TRIM63: variants seen among roughly 807,000 people sequenced by gnomAD.
TRIM63 encodes tripartite motif containing 63.
A neutral mutation model predicts 46.0 loss-of-function variants in TRIM63; 48 were observed. The ratio of observed to expected loss-of-function variants is 1.04; its 90% CI spans 0.83 to 1.33. The LOEUF (loss-of-function observed/expected upper bound fraction) is 1.33, where lower values mean the gene tolerates loss of function less well. Ranked by LOEUF, TRIM63 falls within the 40% of genes most tolerant of loss-of-function variation. The probability of loss-of-function intolerance (pLI) is 0.00; values close to 1 mark genes in which losing one functional copy is unlikely to be tolerated. For synonymous variants in TRIM63, 175 were observed against 162.8 expected (o/e 1.08, Z -0.57); for missense variants, 455 against 441.2 (o/e 1.03, Z -0.28).
In TRIM63 at chr1:26,061,249, G is replaced by T; in HGVS notation, c.418C>A (p.Pro140Thr). The T allele has an allele frequency of 1.2e-6, 2 of 1,614,166 alleles. No individual in the cohort carries two copies. Among genetic ancestry groups the T allele is most frequent in the Non-Finnish European group, 1.7e-6 (2 of 1,180,002 alleles). Residue 140 changes from proline to threonine, a missense_variant, in exon 3 of 9, where the codon CCC (proline) becomes ACC (threonine). Coordinates refer to ENST00000374272, the MANE Select transcript of TRIM63 (RefSeq NM_032588.4). The part of the protein sequence containing the change: ...INIYCLTCEV[P>T]TCSMCKVFGI... Reference sequence around the variant, plus strand: ...AACACCTTGCACATGGAGCAGGTGGGCACCTCACACGTGAGACAGTAGATG... The same window carrying T: ...AACACCTTGCACATGGAGCAGGTGGTCACCTCACACGTGAGACAGTAGATG...
chr1:26,052,383 A>G (rs2050530388), intron 8 of TRIM63, among the ~76,000 whole-genome samples: 1 of 152,210 alleles, frequency 6.6e-6, no homozygotes, highest in Admixed American at 6.5e-5. Flanking sequence ...GAGCCAGCAG[A>G]TAACATGAAT....
chr1:26,051,835 T>A lies in TRIM63; in HGVS notation c.*38A>T. 1 of 1,260,128 alleles carries A rather than the reference T, an allele frequency of 7.9e-7. No individual in the cohort carries two copies. Among genetic ancestry groups the A allele is most frequent in the Non-Finnish European group, 1.0e-6 (1 of 988,082 alleles). 78.1% of individuals were successfully genotyped at this position (1,260,128 alleles called of 1,614,324 possible). ...CTGGGCCCCTCCCCACCCTCTCCAG[T>A]CTCTCTGCATCTGGGGGCCTCTCAT... is the stretch of plus-strand genomic sequence containing the variant. On this transcript the variant is annotated 3_prime_UTR_variant, in exon 9 of 9. Coordinates refer to ENST00000374272, the MANE Select transcript of TRIM63 (RefSeq NM_032588.4).
chr1:26,052,609 G>A (rs2050532486), intron 8 of TRIM63, among the ~76,000 whole-genome samples: 1 of 152,190 alleles, frequency 6.6e-6, no homozygotes, highest in Admixed American at 6.5e-5. Flanking sequence ...TGGGATTACA[G>A]GTGCCCGTCA....
At position 26,067,403 on chromosome 1, in the gene TRIM63, G is replaced by T. The variant is rs1164943378; in HGVS notation, c.92C>A (p.Thr31Asn). 6.2e-7 allele frequency: 1 copy of T among 1,614,190 alleles called. No individual in the cohort carries two copies. Residue 31 changes from threonine to asparagine, a missense_variant, in exon 1 of 9, where the codon ACC becomes AAC. Physicochemically the swap from Thr to Asn is moderately conservative, Grantham distance 65. Transcript: ENST00000374272. ...LICPICLEMF[T>N]KPVVILPCQH... The stretch of plus-strand genomic sequence containing the variant: ...GCACGGCAAGATGACCACTGGCTTG[G>T]TAAACATCTCCAGGCAGATAGGGCA...
At chr1:26,064,624 G>A (rs988476600) in intron 2 of TRIM63, among the ~76,000 whole-genome samples, 1 of 152,078 alleles carries the variant, frequency 6.6e-6, no homozygotes, top group African/African-American at 2.4e-5. Flanking sequence ...AAAGTACTTA[G>A]AACAGCGCCT....
chr1:26,055,116 T>G (rs2050559512), intron 7 of TRIM63, among the ~76,000 whole-genome samples: 1 of 152,248 alleles, frequency 6.6e-6, no homozygotes. Flanking sequence ...ACTTACTATG[T>G]GCCAAGTAGT....
intron 7 of TRIM63, 74 bp downstream of exon 7, chr1:26,057,129 G>A (rs1281055393): frequency 1.9e-6 from 3 of 1,579,460 alleles, no homozygotes; most frequent in African/African-American, 2.7e-5. Flanking sequence ...CTCCCCATCG[G>A]GCTCAGTTGG....
intron 4 of TRIM63, among the ~76,000 whole-genome samples, chr1:26,059,590 C>T (rs375454100): frequency 3.9e-5 from 6 of 152,146 alleles, no homozygotes; most frequent in South Asian, 2.1e-4. Flanking sequence ...GGGAGCCTCT[C>T]GTGGGTGATC....
chr1:26,056,266 A>G (rs1344176756), intron 7 of TRIM63, among the ~76,000 whole-genome samples: 4 of 152,064 alleles, frequency 2.6e-5, no homozygotes, highest in Non-Finnish European at 4.4e-5. Flanking sequence ...CACCCTTATT[A>G]TTGTTACGGT....
At position 26,059,960 on chromosome 1, in the gene TRIM63, A is replaced by G. The variant is rs192733185; in HGVS notation, c.597+306T>C. On this transcript the variant is annotated intron_variant, in intron 4 of 8. Coordinates refer to ENST00000374272, the MANE Select transcript of TRIM63 (RefSeq NM_032588.4). Reference sequence around the variant, plus strand: ...AGCACACTGAAGAACTGTGCTCTGAAAACAATTTGTGCTGAATAAATACTG... The same window carrying G: ...AGCACACTGAAGAACTGTGCTCTGAGAACAATTTGTGCTGAATAAATACTG... Among the ~76,000 whole-genome samples the G allele has an allele frequency of 2.1e-3, 319 of 152,266 alleles. 5 individuals carry two copies. The highest frequency in any genetic ancestry group is 1.7e-3 in the Non-Finnish European group (119 of 68,006).
At chr1:26,066,512 T>G in intron 1 of TRIM63, 72 bp from the exon 2 acceptor site, 1 of 1,384,698 alleles carries the variant, frequency 7.2e-7, no homozygotes, top group Non-Finnish European at 9.5e-7. Flanking sequence ...TCTCCTCTTA[T>G]CCTTTCCTCT....
At chr1:26,053,356 G>A (rs960789641) in intron 8 of TRIM63, among the ~76,000 whole-genome samples, 10 of 152,108 alleles carry the variant, frequency 6.6e-5, no homozygotes, top group African/African-American at 1.7e-4. Context: ...AGGTTCAAGC[G>A]ATTCTCCTGC....
chr1:26,055,501 CTATT>C (rs1274304190), intron 7 of TRIM63, among the ~76,000 whole-genome samples: 1 of 150,802 alleles, frequency 6.6e-6, no homozygotes, highest in African/African-American at 2.4e-5. Context: ...TCTTGAATAT[CTATT>C]TCTTTCTTTT....
intron 8 of TRIM63, among the ~76,000 whole-genome samples, chr1:26,052,591 C>A (rs2050532360): frequency 6.6e-6 from 1 of 152,130 alleles, no homozygotes; most frequent in South Asian, 2.1e-4. Context: ...CTCAGCCTCC[C>A]AAGTAGCTGG....
chr1:26,060,614 A>G (rs1186868063), intron 3 of TRIM63, among the ~76,000 whole-genome samples: 3 of 152,246 alleles, frequency 2.0e-5, no homozygotes, highest in African/African-American at 7.2e-5. Flanking sequence ...CAAGGAACTG[A>G]CAGAGGAGGG....
chr1:26,059,454 C>G (rs1008134354), intron 4 of TRIM63, among the ~76,000 whole-genome samples: 3 of 152,182 alleles, frequency 2.0e-5, no homozygotes, highest in African/African-American at 7.2e-5. Context: ...TCGGGAAGCT[C>G]TGCATCATTT....
chr1:26,058,667 T>C, intron 4 of TRIM63, 44 bp from the exon 5 acceptor site: 1 of 1,535,830 alleles, frequency 6.5e-7, no homozygotes, highest in Non-Finnish European at 9.0e-7. Context: ...GGGTCTTTAT[T>C]CCCTGCCCAC....
At chr1:26,058,763 C>T (rs1396150651) in intron 4 of TRIM63, 140 bp from the exon 5 acceptor site, 3 of 688,342 alleles carry the variant, frequency 4.4e-6, no homozygotes, top group East Asian at 5.1e-5. Context: ...GAAGAAGAAA[C>T]AAAGACTTAA....
rs1261190228 is a variant in TRIM63, at chr1:26,056,262, T to G, written c.979+941A>C. ...TCATTTCCTTTGTTATTTTCACCCTTATTATTGTTACGGTTGCATTGTTAC... is the reference window on the plus strand; with the variant it reads ...TCATTTCCTTTGTTATTTTCACCCTGATTATTGTTACGGTTGCATTGTTAC... On this transcript the variant is annotated intron_variant, in intron 7 of 8. Coordinates refer to ENST00000374272, the MANE Select transcript of TRIM63 (RefSeq NM_032588.4). 3.3e-5 allele frequency among the ~76,000 whole-genome samples: 5 copies of G among 152,242 alleles called. No homozygotes were observed. In the South Asian group the frequency reaches 6.2e-4, roughly 19 times the overall value.
Sources: allele counts gnomAD v4.1 joint callset (sites outside exome capture counted in the v4.1 genomes callset), GRCh38; gene constraint gnomAD v4.1.1; transcripts MANE v1.5; gene names NCBI Gene and HGNC (gene_info 2026-07-23, HGNC 2026-07-21).